Variants in DRC1 observed in about 807,000 individuals in gnomAD.
The protein encoded by DRC1 is dynein regulatory complex subunit 1.
Under a neutral mutation model 98.7 loss-of-function variants are expected in DRC1, and 74 were observed. That is an observed-to-expected ratio of 0.75 (90% CI 0.62 to 0.91). DRC1 has a LOEUF of 0.91. DRC1 is among the 40% of genes least tolerant of loss of function. The pLI, the probability that DRC1 is intolerant of heterozygous loss-of-function variation, is 0.00. For missense variants in DRC1, 875 were observed against 886.0 expected (o/e 0.99, Z 0.16); for synonymous variants, 336 against 334.1 (o/e 1.01, Z -0.06).
chr2:26,421,236 T>C (rs1663133208), intron 2 of DRC1, 52 bp from the exon 3 acceptor site: 3 of 1,532,924 alleles, frequency 2.0e-6, no homozygotes, highest in South Asian at 2.3e-5. Context: ...AGACTTTATA[T>C]ATTATTTACA....
Position 26,401,973 on chromosome 2 carries a change from G to C in DRC1, c.-17G>C. ...GGTGGTGCGGAGGGAGCCGCCTAGG[G>C]ACCAGGGACTCCTGCCATGAATCCG... is the stretch of plus-strand genomic sequence containing the variant. On this transcript the variant is annotated 5_prime_UTR_variant, in exon 1 of 17. Transcript: ENST00000288710. 6.3e-7 allele frequency: 1 copy of C among 1,588,438 alleles called. No homozygotes were observed. Among genetic ancestry groups the C allele is most frequent in the Middle Eastern group, 1.7e-4 (1 of 5,976 alleles).
chr2:26,441,749 C>T (rs1293062458), intron 8 of DRC1, among the ~76,000 whole-genome samples: 1 of 152,112 alleles, frequency 6.6e-6, no homozygotes, highest in Non-Finnish European at 1.5e-5. Flanking sequence ...GCGCTTGAGG[C>T]AGAGCTTGGG....
intron 1 of DRC1, among the ~76,000 whole-genome samples, chr2:26,407,365 A>ATT (rs1265927717): frequency 3.5e-4 from 53 of 152,288 alleles, no homozygotes; most frequent in Non-Finnish European, 6.3e-4. Flanking sequence ...AAGAAAGCTG[A>ATT]GAACCCCCTT....
chr2:26,448,837 C>T (rs1169108050), intron 11 of DRC1, 34 bp downstream of exon 11: 2 of 1,604,356 alleles, frequency 1.2e-6, no homozygotes, highest in African/African-American at 2.7e-5. Flanking sequence ...CAGAGGGACT[C>T]ACGGGGGTGT....
In DRC1 at chr2:26,444,971, GC is replaced by G. The variant is rs751261260; in HGVS notation, c.1396+25del. On this transcript the variant is annotated intron_variant, in intron 10 of 16. Transcript: ENST00000288710. ...CAGGTGACTAGAACACTGTCATAGA[GC>G]CTTAGAGCTGGAGGAGCCCCCTGAG... The G allele has an allele frequency of 3.7e-6, 6 of 1,605,368 alleles. No homozygotes were observed. The Admixed American group carries it at 1.0e-4, about 27-fold the overall frequency.
chr2:26,409,268 C>G (rs1421207312), intron 1 of DRC1, among the ~76,000 whole-genome samples: 1 of 152,120 alleles, frequency 6.6e-6, no homozygotes, highest in Non-Finnish European at 1.5e-5. Flanking sequence ...TTTTATTTGT[C>G]ACACTATTAA....
At chr2:26,435,940 G>T (rs1033264731) in intron 7 of DRC1, among the ~76,000 whole-genome samples, 3 of 152,084 alleles carry the variant, frequency 2.0e-5, no homozygotes, top group Admixed American at 6.6e-5. Context: ...TGTCTTTGTG[G>T]TAGAACCATT....
At chr2:26,449,146 T>G (rs11691666) in intron 11 of DRC1, among the ~76,000 whole-genome samples, 38,877 of 152,248 alleles carry the variant, frequency 0.26, 5,763 homozygotes, top group Middle Eastern at 0.33. Flanking sequence ...TGCTAAGTGA[T>G]GTGGCCACAC....
chr2:26,453,621 G>A, intron 14 of DRC1, 72 bp downstream of exon 14: 2 of 1,455,984 alleles, frequency 1.4e-6, no homozygotes, highest in African/African-American at 1.4e-5. Flanking sequence ...GAGCCAGGCA[G>A]AGCCAGTGAG....
chr2:26,418,627 AT>A (rs1558438118), intron 2 of DRC1, among the ~76,000 whole-genome samples: 3 of 100,768 alleles, frequency 3.0e-5, no homozygotes, highest in African/African-American at 1.3e-4. Context: ...TATAATATAA[AT>A]TATATATAAT....
In DRC1 at chr2:26,414,386, G is replaced by A. The variant is rs572540338; in HGVS notation, c.198G>A (p.Glu66=). The A allele has an allele frequency of 6.2e-7, 1 of 1,613,952 alleles. No homozygotes were observed. The highest frequency in any genetic ancestry group is 2.2e-5 in the East Asian group (1 of 44,868). The change falls in exon 2 of 17, where the codon GAG becomes GAA. Residue 66 remains glutamate (E), a synonymous_variant. Transcript: ENST00000288710. ...GEYLDGKKES[E]EDQSKSYKQK... is the part of the protein sequence containing the mutation. Reference sequence around the variant, plus strand: ...ATTTAGATGGGAAGAAGGAGAGTGAGGAGGATCAAAGCAAGAGCTACAAAC... The same window carrying A: ...ATTTAGATGGGAAGAAGGAGAGTGAAGAGGATCAAAGCAAGAGCTACAAAC...
At chr2:26,440,187 T>G (rs1057156315) in intron 7 of DRC1, among the ~76,000 whole-genome samples, 191 bp from the exon 8 acceptor site, 4 of 151,398 alleles carry the variant, frequency 2.6e-5, no homozygotes, top group Non-Finnish European at 4.4e-5. Flanking sequence ...GCTAGGTAAA[T>G]AAACAGACAT....
chr2:26,409,509 T>A (rs79192600), intron 1 of DRC1, among the ~76,000 whole-genome samples: 3,762 of 152,266 alleles, frequency 0.025, 124 homozygotes, highest in African/African-American at 0.078. Flanking sequence ...GATGGTGACA[T>A]GTAAAATTGG....
intron 1 of DRC1, among the ~76,000 whole-genome samples, chr2:26,403,968 C>T (rs9653560): frequency 0.1 from 15,638 of 151,442 alleles, 2,386 homozygotes; most frequent in African/African-American, 0.33. Flanking sequence ...GGCATGGTGG[C>T]GCGCGCCTGT....
intron 10 of DRC1, chr2:26,448,308 C>G (rs1663910728): frequency 2.1e-6 from 1 of 478,684 alleles, no homozygotes; most frequent in South Asian, 1.6e-5. Flanking sequence ...TAATCTGTTG[C>G]AGGTTTAGAG....
At position 26,448,684 on chromosome 2, in the gene DRC1, A is replaced by C. The variant is rs200389064; in HGVS notation, c.1397-7A>C. On this transcript the variant is annotated splice_region_variant and splice_polypyrimidine_tract_variant and intron_variant, in intron 10 of 16. Coordinates refer to ENST00000288710, the MANE Select transcript of DRC1 (RefSeq NM_145038.5). Reference sequence around the variant, plus strand: ...CTTTCTCTCTCCTCCCCATGACCCAACTGCAGAAGAGGAGGAGGCAGAAGA... The same window carrying C: ...CTTTCTCTCTCCTCCCCATGACCCACCTGCAGAAGAGGAGGAGGCAGAAGA... 3 of 1,613,774 alleles carry C rather than the reference A, an allele frequency of 1.9e-6. No individual in the cohort carries two copies. Among genetic ancestry groups the C allele is most frequent in the Non-Finnish European group, 2.5e-6 (3 of 1,179,790 alleles).
At chr2:26,444,587 C>T (rs374544537) in intron 9 of DRC1, 129 bp from the exon 10 acceptor site, 360 of 1,060,846 alleles carry the variant, frequency 3.4e-4, no homozygotes, top group South Asian at 1.1e-3. Context: ...GGGAATCAGC[C>T]GCCCAGGGAT....
At chr2:26,421,478 A>T in intron 3 of DRC1, 78 bp downstream of exon 3, 25 of 1,170,264 alleles carry the variant, frequency 2.1e-5, no homozygotes, top group African/African-American at 4.7e-5. Context: ...GAATTGTTGG[A>T]GGGTGACTTT....
In DRC1 at chr2:26,454,697, A is replaced by G. The variant is rs1425394558; in HGVS notation, c.1970A>G (p.Lys657Arg). 13 of 1,614,030 alleles carry G rather than the reference A, an allele frequency of 8.1e-6. No homozygotes were observed. The highest frequency in any genetic ancestry group is 2.2e-5 in the South Asian group (2 of 91,084). ...CAGAAGAATGTGCGTGACAACTCCA[A>G]GGACTCGGAGTACTGGCAGGCCCTG... ...RVQKNVRDNS[K>R]DSEYWQALTT... Residue 657 changes from lysine to arginine, a missense_variant, in exon 15 of 17, where the codon AAG (lysine) becomes AGG (arginine). Lys to Arg is a conservative substitution (Grantham distance 26). Coordinates refer to ENST00000288710, the MANE Select transcript of DRC1 (RefSeq NM_145038.5). The surrounding 1 kb of genome is among the most constrained non-coding windows in gnomAD (Gnocchi z 5.2).
Sources: gnomAD v4.1 joint callset for allele counts (sites outside exome capture counted in the v4.1 genomes callset) on GRCh38, gnomAD v4.1.1 for gene constraint, Gnocchi (gnomAD v3.1) non-coding constraint, MANE v1.5 for transcripts, NCBI Gene and HGNC (gene_info 2026-07-23, HGNC 2026-07-21) for gene names.